Variants in CSF2RA observed in about 807,000 individuals in gnomAD.
CSF2RA encodes granulocyte-macrophage colony-stimulating factor receptor subunit alpha.
In CSF2RA, 42 loss-of-function variants were observed where a neutral mutation model predicts 51.6. The observed-to-expected ratio is 0.81, with a 90% CI of 0.64 to 1.05. The LOEUF is 1.05. Among genes scored for constraint, CSF2RA ranks in the 50% least tolerant of loss-of-function variants. The pLI, the probability that CSF2RA is intolerant of heterozygous loss-of-function variation, is 0.00. For missense variants in CSF2RA, 530 were observed against 501.1 expected (o/e 1.06, Z -0.55); for synonymous variants, 222 against 193.0 (o/e 1.15, Z -1.24).
At chrX:1,279,980 A>C (rs1332683121) in intron 2 of CSF2RA, among the ~76,000 whole-genome samples, 4 of 151,732 alleles carry the variant, frequency 2.6e-5, no homozygotes, top group Non-Finnish European at 4.4e-5. Flanking sequence ...AGTATAGATG[A>C]GGTTTCACCG....
the CSF2RA span, among the ~76,000 whole-genome samples, chrX:1,318,896 T>G: frequency 2.6e-3 from 372 of 140,930 alleles, 1 homozygote; most frequent in South Asian, 0.01. Flanking sequence ...CAGCCTGGGT[T>G]ACAGAGCAAG....
chrX:1,272,809 TTTTC>T (rs2088620327), intron 1 of CSF2RA, among the ~76,000 whole-genome samples: 1 of 127,002 alleles, frequency 7.9e-6, no homozygotes, highest in African/African-American at 3.0e-5. Flanking sequence ...TTCTTTTTTT[TTTTC>T]TTTCTTTTTT....
chrX:1,286,556 C>G lies in CSF2RA; in HGVS notation c.219+636C>G, dbSNP rs182763905. Among the ~76,000 whole-genome samples the G allele has an allele frequency of 5.9e-3, 830 of 141,046 alleles. 8 individuals carry two copies. The highest frequency in any genetic ancestry group is 0.021 in the African/African-American group (772 of 37,132). The allele number at this position is 141,046 out of a possible 152,430, so 92.5% of individuals were successfully genotyped here. The stretch of plus-strand genomic sequence containing the variant: ...TGCACTCCAGCCTGGGCAACAAGAG[C>G]AAAACTCTGTCTCCAAAAAAAAAAA... On this transcript the variant is annotated intron_variant, in intron 4 of 12. Coordinates refer to ENST00000381529, the MANE Select transcript of CSF2RA (RefSeq NM_172245.4).
chrX:1,304,356 C>T (rs761682155), intron 11 of CSF2RA, among the ~76,000 whole-genome samples: 1 of 28,396 alleles, frequency 3.5e-5, no homozygotes, highest in Non-Finnish European at 6.1e-5. Flanking sequence ...GCCGAGATTG[C>T]ACCACTGCAC....
chrX:1,324,412 AG>A, the CSF2RA span, among the ~76,000 whole-genome samples: 1 of 94,086 alleles, frequency 1.1e-5, no homozygotes, highest in Non-Finnish European at 2.1e-5. Flanking sequence ...AGGAAAAGAA[AG>A]GAAAGAAAAA....
At chrX:1,300,389 A>C (rs1480726158) in intron 9 of CSF2RA, 102 bp from the exon 10 acceptor site, 21 of 1,409,508 alleles carry the variant, frequency 1.5e-5, no homozygotes, top group Admixed American at 2.1e-5. Context: ...AAAAGAAAAA[A>C]AGAAAAGGAG....
At chrX:1,301,937 ATGGC>A (rs2083007874) in intron 10 of CSF2RA, among the ~76,000 whole-genome samples, 1 of 95,448 alleles carries the variant, frequency 1.0e-5, no homozygotes, top group Admixed American at 1.5e-4. Flanking sequence ...TTTTTTTTAG[ATGGC>A]GTTTCGCTCT....
intron 10 of CSF2RA, among the ~76,000 whole-genome samples, chrX:1,301,985 C>T (rs551970654): frequency 5.3e-4 from 78 of 146,302 alleles, no homozygotes; most frequent in African/African-American, 1.9e-3. Context: ...GGTGCCATCT[C>T]GGCTCACCGC....
At chrX:1,280,444 C>G (rs1407195347) in intron 2 of CSF2RA, among the ~76,000 whole-genome samples, 2 of 143,618 alleles carry the variant, frequency 1.4e-5, no homozygotes, top group Non-Finnish European at 3.0e-5. Context: ...GCACTCCAGC[C>G]TGGGTGACAA....
intron 2 of CSF2RA, among the ~76,000 whole-genome samples, chrX:1,280,097 G>T (rs1358875150): frequency 6.6e-6 from 1 of 151,994 alleles, no homozygotes; most frequent in African/African-American, 2.4e-5. Context: ...GCCGAGAGAC[G>T]CAATCTTTCA....
At chrX:1,324,749 G>C in the CSF2RA span, among the ~76,000 whole-genome samples, 2 of 152,148 alleles carry the variant, frequency 1.3e-5, no homozygotes, top group African/African-American at 2.4e-5. Flanking sequence ...GCCTGTCTGA[G>C]TCGGGACCAC....
At position 1,300,569 on chromosome X, in the gene CSF2RA, A is replaced by G. The variant is rs1393687642; in HGVS notation, c.889A>G (p.Arg297Gly). The G allele has an allele frequency of 1.2e-6, 2 of 1,613,942 alleles. No homozygotes were observed. Among genetic ancestry groups the G allele is most frequent in the Admixed American group, 1.7e-5 (1 of 60,000 alleles). The change falls in exon 10 of 13, where the codon AGA (arginine) becomes GGA (glycine). Residue 297 changes from arginine to glycine, a missense_variant. By Grantham distance (125) the Arg-to-Gly change is moderately radical (BLOSUM62 -2). Coordinates refer to ENST00000381529, the MANE Select transcript of CSF2RA (RefSeq NM_172245.4). Reference protein sequence around the residue: ...EPRAKHSVKIRAADVRILNWS... With the variant: ...EPRAKHSVKIGAADVRILNWS... ...CAGAGCAAAACACAGTGTGAAGATC[A>G]GAGCTGCAGACGTCCGCATCTTGAA...
chrX:1,319,944 A>G, the CSF2RA span, among the ~76,000 whole-genome samples: 5 of 148,834 alleles, frequency 3.4e-5, 1 homozygote, highest in East Asian at 2.0e-4. Context: ...CCCCCAGGCC[A>G]GAGTGCAGTG....
At chrX:1,293,904 G>A in intron 7 of CSF2RA, 1 of 332,256 alleles carries the variant, frequency 3.0e-6, no homozygotes. Flanking sequence ...AGTGTAGACA[G>A]GAGAAGACTC....
At chrX:1,289,558 T>C (rs1409151300) in intron 6 of CSF2RA, among the ~76,000 whole-genome samples, 2 of 151,772 alleles carry the variant, frequency 1.3e-5, no homozygotes, top group Admixed American at 6.6e-5. Context: ...TGTGTTTTTT[T>C]GGTTTCACGT....
At position 1,279,966 on chromosome X, in the gene CSF2RA, T is replaced by A. The variant is rs753331283; in HGVS notation, c.-26-2712T>A. On this transcript the variant is annotated intron_variant, in intron 2 of 12. Transcript: ENST00000381529. ...CACCCCACCCGGCTAATTTTTGTAT[T>A]TCTAGTATAGATGAGGTTTCACCGT... 3.3e-5 allele frequency among the ~76,000 whole-genome samples: 5 copies of A among 152,012 alleles called. No individual in the cohort carries two copies. The South Asian group carries it at 1.0e-3, about 32-fold the overall frequency.
Position 1,289,056 on chromosome X carries a change from G to A in CSF2RA, c.473+168G>A, listed in dbSNP as rs1467323894. 5 of 865,784 alleles carry A rather than the reference G, an allele frequency of 5.8e-6. No individual in the cohort carries two copies. The East Asian group carries it at 1.1e-4, about 18-fold the overall frequency. The allele number at this position is 865,784 out of a possible 1,614,324, so 53.6% of individuals were successfully genotyped here. On this transcript the variant is annotated intron_variant, in intron 6 of 12. Transcript: ENST00000381529. The stretch of plus-strand genomic sequence containing the variant: ...GGCTCACTGCAACCTCGACCTCCTG[G>A]GTTCAAGCAATTTTCCTGCCTCAGC...
At chrX:1,305,615 G>T in intron 12 of CSF2RA, 88 bp downstream of exon 12, 14 of 1,613,830 alleles carry the variant, frequency 8.7e-6, no homozygotes, top group Non-Finnish European at 1.2e-5. Flanking sequence ...CGACCATCTT[G>T]CTTCTCCACC....
rs778709577 is a variant in CSF2RA at position 1,302,331 on chromosome X, AG to A, written c.947-1591del. Among the ~76,000 whole-genome samples, 41 of 152,148 alleles carry A rather than the reference AG, an allele frequency of 2.7e-4. No individual in the cohort carries two copies. The East Asian group carries it at 8.0e-3, about 30-fold the overall frequency. ...AAGGGGAAGGGGCAGGATATTGAGA[AG>A]TATGCGGTTTTCACCTCAACAAAGG... is the stretch of plus-strand genomic sequence containing the variant. On this transcript the variant is annotated intron_variant, in intron 10 of 12. Coordinates refer to ENST00000381529, the MANE Select transcript of CSF2RA (RefSeq NM_172245.4).
Sources: allele counts gnomAD v4.1 joint callset (sites outside exome capture counted in the v4.1 genomes callset), GRCh38; gene constraint gnomAD v4.1.1; transcripts MANE v1.5; gene names NCBI Gene and HGNC (gene_info 2026-07-23, HGNC 2026-07-21).